INTS4: variants seen among roughly 807,000 people sequenced by gnomAD.
INTS4 encodes MSTP093.
In INTS4, 70 loss-of-function variants were observed where a neutral mutation model predicts 119.5. The observed-to-expected ratio is 0.59, with a 90% CI of 0.48 to 0.71. INTS4 has a LOEUF of 0.71. Ranked by LOEUF, INTS4 falls within the 30% of genes least tolerant of loss-of-function variation. INTS4 has a pLI of 0.00. For missense variants in INTS4, 867 were observed against 1,173.2 expected (o/e 0.74, Z 3.81); for synonymous variants, 316 against 419.6 (o/e 0.75, Z 3.02).
rs1166120634 is a variant in INTS4, at chr11:77,923,953, T to C, written c.1514+797A>G. On this transcript the variant is annotated intron_variant, in intron 12 of 22. Transcript: ENST00000534064. ...CAGATTTTTGCATTTTTAGTAGAGATGAGGTTTCACCATGTTGGCCAGGGT... is the reference window on the plus strand; with the variant it reads ...CAGATTTTTGCATTTTTAGTAGAGACGAGGTTTCACCATGTTGGCCAGGGT... 2.0e-5 allele frequency among the ~76,000 whole-genome samples: 3 copies of C among 150,616 alleles called. No individual in the cohort carries two copies. In the East Asian group the frequency reaches 5.9e-4, roughly 30 times the overall value.
intron 21 of INTS4, among the ~76,000 whole-genome samples, chr11:77,884,596 A>G (rs608389): frequency 0.38 from 57,476 of 152,014 alleles, 11,295 homozygotes; most frequent in African/African-American, 0.46. Flanking sequence ...TGCTCTATGT[A>G]AATATACTTA....
At chr11:77,965,817 T>C (rs1054748771) in intron 4 of INTS4, among the ~76,000 whole-genome samples, 1 of 152,252 alleles carries the variant, frequency 6.6e-6, no homozygotes, top group Non-Finnish European at 1.5e-5. Context: ...AACATACTGA[T>C]TTCAATTCCT....
At chr11:77,878,294 A>G (rs1331060642), downstream of INTS4, among the ~76,000 whole-genome samples, 2 of 151,836 alleles carry the variant, frequency 1.3e-5, no homozygotes, top group African/African-American at 4.8e-5. Flanking sequence ...CCCAGGAGGC[A>G]GAGGTTGCAG....
chr11:77,991,383 C>A, intron 1 of INTS4, 84 bp from the exon 2 acceptor site: 1 of 1,059,830 alleles, frequency 9.4e-7, no homozygotes. Context: ...TCCATTATAC[C>A]AAATAATATA....
intron 21 of INTS4, among the ~76,000 whole-genome samples, chr11:77,888,326 G>C (rs1952109212): frequency 6.6e-6 from 1 of 152,178 alleles, no homozygotes; most frequent in Non-Finnish European, 1.5e-5. Flanking sequence ...AATGGGGAAA[G>C]GATTCCCTAT....
chr11:77,935,903 A>AAAAATAGAAAAGAAAGAGAG (rs1565256775), intron 10 of INTS4, among the ~76,000 whole-genome samples: 1 of 86,990 alleles, frequency 1.1e-5, no homozygotes. Flanking sequence ...CTCAAAAAAA[A>AAAAATAGAAAAGAAAGAGAG]AAAAAAGAAA....
At chr11:77,985,773 C>T (rs1856432751) in intron 2 of INTS4, among the ~76,000 whole-genome samples, 1 of 152,106 alleles carries the variant, frequency 6.6e-6, no homozygotes. Flanking sequence ...CTACATACTA[C>T]ATATATGGTC....
intron 7 of INTS4, among the ~76,000 whole-genome samples, chr11:77,958,083 C>G (rs2136575398): frequency 6.6e-6 from 1 of 152,144 alleles, no homozygotes; most frequent in South Asian, 2.1e-4. Flanking sequence ...TGTCTAAGTC[C>G]TAAAACACTA....
At chr11:77,887,572 G>A (rs1365803007) in intron 21 of INTS4, among the ~76,000 whole-genome samples, 14 of 152,156 alleles carry the variant, frequency 9.2e-5, no homozygotes, top group African/African-American at 3.4e-4. Context: ...TGCTGGCCAG[G>A]GCAATTAGGT....
At chr11:77,933,974 T>A (rs1331776544) in intron 10 of INTS4, among the ~76,000 whole-genome samples, 2 of 151,994 alleles carry the variant, frequency 1.3e-5, no homozygotes, top group Non-Finnish European at 2.9e-5. Context: ...GGGGAGGGGA[T>A]GGAGGGGTCG....
intron 17 of INTS4, among the ~76,000 whole-genome samples, chr11:77,903,194 T>C (rs1429132948): frequency 6.6e-6 from 1 of 152,266 alleles, no homozygotes. Flanking sequence ...AAGTGAGTGC[T>C]GTGTCTCCTA....
rs908783218 is a variant in INTS4, at chr11:77,961,265, C to T, written c.472-127G>A. ...GCAACCTTAGGGGTGATTTCAAGACCTATATTCTTAGGACAGTCTGTCTAG... is the reference window on the plus strand; with the variant it reads ...GCAACCTTAGGGGTGATTTCAAGACTTATATTCTTAGGACAGTCTGTCTAG... On this transcript the variant is annotated intron_variant, in intron 4 of 22. Coordinates refer to ENST00000534064, the MANE Select transcript of INTS4 (RefSeq NM_033547.4). 3.2e-6 allele frequency: 4 copies of T among 1,262,284 alleles called. No homozygotes were observed. The African/African-American group carries it at 4.6e-5, about 14-fold the overall frequency. 78.2% of individuals were successfully genotyped at this position (1,262,284 alleles called of 1,614,324 possible).
intron 15 of INTS4, among the ~76,000 whole-genome samples, chr11:77,915,840 ATCAG>A (rs1445567459): frequency 1.3e-5 from 2 of 152,224 alleles, no homozygotes; most frequent in Admixed American, 1.3e-4. Flanking sequence ...ATGATTTATT[ATCAG>A]TCAATCAAAC....
rs1953165281 is a variant in INTS4 at position 77,914,622 on chromosome 11, A to ACG, written c.1922+4198_1922+4199insCG. Among the ~76,000 whole-genome samples, 6 of 152,310 alleles carry ACG rather than the reference A, an allele frequency of 3.9e-5. No homozygotes were observed. The South Asian group carries it at 1.2e-3, about 32-fold the overall frequency. On this transcript the variant is annotated intron_variant, in intron 15 of 22. Coordinates refer to ENST00000534064, the MANE Select transcript of INTS4 (RefSeq NM_033547.4). The stretch of plus-strand genomic sequence containing the variant: ...TAAAAGGTCAAATAGTAAATATGTT[A>ACG]GCTTTTACAGGCCGTATGGTCTCTG...
At chr11:77,959,221 CCT>C (rs1316864709) in intron 6 of INTS4, among the ~76,000 whole-genome samples, 2 of 152,178 alleles carry the variant, frequency 1.3e-5, no homozygotes, top group Non-Finnish European at 2.9e-5. Flanking sequence ...AAATCACTGG[CCT>C]CTGTTTCAAT....
intron 8 of INTS4, among the ~76,000 whole-genome samples, chr11:77,946,696 G>A (rs908796419): frequency 6.6e-6 from 1 of 151,708 alleles, no homozygotes; most frequent in African/African-American, 2.4e-5. Context: ...AGGAGGAGAA[G>A]GTTGCAGTGA....
At chr11:77,987,473 G>A (rs1275032528) in intron 2 of INTS4, 3 of 306,488 alleles carry the variant, frequency 9.8e-6, no homozygotes, top group Non-Finnish European at 6.6e-6. Context: ...GATGATTATT[G>A]GTAACAGATC....
At chr11:77,965,461 C>G (rs949099601) in intron 4 of INTS4, among the ~76,000 whole-genome samples, 1 of 152,164 alleles carries the variant, frequency 6.6e-6, no homozygotes, top group Non-Finnish European at 1.5e-5. Context: ...AACTTTATAA[C>G]CTTTGATCAG....
chr11:77,902,382 C>T (rs896807941), intron 17 of INTS4, among the ~76,000 whole-genome samples: 4 of 152,164 alleles, frequency 2.6e-5, no homozygotes, highest in Non-Finnish European at 5.9e-5. Flanking sequence ...TCCAATGTGG[C>T]TCAATTATCG....
Sources: gnomAD v4.1 joint callset for allele counts (sites outside exome capture counted in the v4.1 genomes callset) on GRCh38, gnomAD v4.1.1 for gene constraint, MANE v1.5 for transcripts, NCBI Gene and HGNC (gene_info 2026-07-23, HGNC 2026-07-21) for gene names.